Variants in ANKRD31 observed in about 807,000 individuals in gnomAD.
ANKRD31 encodes the protein ankyrin repeat domain-containing protein 31.
A neutral mutation model predicts 186.0 loss-of-function variants in ANKRD31; 147 were observed. The ratio of observed to expected loss-of-function variants is 0.79; its 90% CI spans 0.69 to 0.91. The LOEUF (loss-of-function observed/expected upper bound fraction) is 0.91. Ranked by LOEUF, ANKRD31 falls within the 40% of genes least tolerant of loss-of-function variation. The pLI is 0.00. For missense variants in ANKRD31, 1,986 were observed against 2,148.8 expected, an observed-to-expected ratio of 0.92 and a Z score of 1.50; for synonymous variants, 673 against 736.4, an observed-to-expected ratio of 0.91 and a Z score of 1.39.
chr5:75,236,573 T>C lies in ANKRD31; in HGVS notation c.104+10A>G, dbSNP rs1004332635. The C allele has an allele frequency of 6.5e-7, 1 of 1,536,150 alleles. No individual in the cohort carries two copies. Among genetic ancestry groups the C allele is most frequent in the African/African-American group, 1.4e-5 (1 of 72,960 alleles). ...GAGGGTTCAGGCACTGTGGCCCTAA[T>C]GATGGTCACCTTCTCCAGGGCAGCT... is the stretch of plus-strand genomic sequence containing the variant. On this transcript the variant is annotated intron_variant, in intron 1 of 25. Coordinates refer to ENST00000506364, the MANE Select transcript of ANKRD31 (RefSeq NM_001372053.1).
rs530301594 is a variant in ANKRD31, at chr5:75,105,124, GT to G, written c.4434del (p.Lys1478AsnfsTer5). 3.9e-6 allele frequency: 6 copies of G among 1,536,634 alleles called. No homozygotes were observed. Among genetic ancestry groups the G allele is most frequent in the Non-Finnish European group, 5.2e-6 (6 of 1,146,722 alleles). On this transcript the variant is annotated frameshift_variant, in exon 22 of 26. Coordinates refer to ENST00000506364, the MANE Select transcript of ANKRD31 (RefSeq NM_001372053.1). LOFTEE classifies it high-confidence loss of function. ...RQKSLLVVAK[K>X]QKKISLKIQN... ...TGAATTTTCAGGCTTATTTTTTTCT[GT>G]TTTTTTGCCACAACTAAAAGGCTCT...
intron 6 of ANKRD31, among the ~76,000 whole-genome samples, chr5:75,198,890 A>T (rs1755637591): frequency 6.6e-6 from 1 of 152,116 alleles, no homozygotes. Context: ...TGGAACCCAG[A>T]CCTATCTGGT....
intron 10 of ANKRD31, 24 bp downstream of exon 10, chr5:75,188,469 C>T: frequency 6.6e-7 from 1 of 1,526,496 alleles, no homozygotes. Context: ...CTTAAGGTAA[C>T]TGTGGGTGGT....
At chr5:75,132,411 G>T (rs1421228939) in intron 17 of ANKRD31, among the ~76,000 whole-genome samples, 1 of 152,164 alleles carries the variant, frequency 6.6e-6, no homozygotes, top group Admixed American at 6.5e-5. Context: ...TGGAAAAAGG[G>T]TATCAGTGAT....
At position 75,215,266 on chromosome 5, in the gene ANKRD31, G is replaced by A. The variant is rs564243020; in HGVS notation, c.289-4401C>T. Among the ~76,000 whole-genome samples, 5 of 152,278 alleles carry A rather than the reference G, an allele frequency of 3.3e-5. 1 individual carries two copies. In the South Asian group the frequency reaches 1.0e-3, roughly 32 times the overall value. Reference sequence around the variant, plus strand: ...ATGAGGCCTACCCACATGATGGAGGGCAGTCTGCTTTACTCAGGTCCACTG... The same window carrying A: ...ATGAGGCCTACCCACATGATGGAGGACAGTCTGCTTTACTCAGGTCCACTG... On this transcript the variant is annotated intron_variant, in intron 3 of 25. Transcript: ENST00000506364.
At chr5:75,207,210 A>C (rs1421359895) in intron 4 of ANKRD31, among the ~76,000 whole-genome samples, 1 of 152,160 alleles carries the variant, frequency 6.6e-6, no homozygotes, top group African/African-American at 2.4e-5. Flanking sequence ...CAAGAGTAAT[A>C]AATTAAGCAT....
At chr5:75,229,065 T>C (rs188470904) in intron 2 of ANKRD31, among the ~76,000 whole-genome samples, 15 of 152,164 alleles carry the variant, frequency 9.9e-5, no homozygotes, top group Non-Finnish European at 1.9e-4. Context: ...CAAAAAAAGA[T>C]TTTTTTAAAG....
At chr5:75,134,894 T>TG (rs1414878330) in intron 17 of ANKRD31, among the ~76,000 whole-genome samples, 1 of 152,098 alleles carries the variant, frequency 6.6e-6, no homozygotes, top group African/African-American at 2.4e-5. Flanking sequence ...ATCAATCATA[T>TG]GAACAGAACC....
intron 17 of ANKRD31, among the ~76,000 whole-genome samples, chr5:75,132,563 G>T (rs1749961052): frequency 6.6e-6 from 1 of 152,172 alleles, no homozygotes; most frequent in Non-Finnish European, 1.5e-5. Flanking sequence ...AAAGTGACGG[G>T]AGAATGGAAC....
intron 11 of ANKRD31, among the ~76,000 whole-genome samples, chr5:75,164,274 T>G (rs1359609134): frequency 6.6e-6 from 1 of 152,188 alleles, no homozygotes. Context: ...TACAACCTCA[T>G]GAGAGACCCT....
chr5:75,233,274 G>A (rs914321945), intron 1 of ANKRD31, among the ~76,000 whole-genome samples: 1 of 151,748 alleles, frequency 6.6e-6, no homozygotes, highest in African/African-American at 2.4e-5. Context: ...TGTTGGCCAG[G>A]CTGGTCTCGA....
rs74789702 is a variant in ANKRD31, at chr5:75,236,496, T to C, written c.104+87A>G. ...CCACAAGCACATGTTCTGGTCACGA[T>C]CTCCACTCAAAACTCTGACCCCCTC... On this transcript the variant is annotated intron_variant, in intron 1 of 25. Coordinates refer to ENST00000506364, the MANE Select transcript of ANKRD31 (RefSeq NM_001372053.1). 2.3e-3 allele frequency: 2,471 copies of C among 1,084,626 alleles called. 70 individuals carry two copies. The East Asian group carries it at 0.057, about 25-fold the overall frequency. 67.2% of individuals were successfully genotyped at this position (1,084,626 alleles called of 1,614,324 possible). A position where few individuals can be genotyped will look rare whatever the true frequency, so the allele number is the denominator to read the frequency against.
At chr5:75,082,551 T>C in intron 24 of ANKRD31, among the ~76,000 whole-genome samples, 1 of 152,214 alleles carries the variant, frequency 6.6e-6, no homozygotes, top group South Asian at 2.1e-4. Flanking sequence ...TGCTGCTCAC[T>C]GGTGAAGACT....
Position 75,147,373 on chromosome 5 carries a change from C to T in ANKRD31, c.2038G>A (p.Glu680Lys). 1 of 1,529,014 alleles carries T rather than the reference C, an allele frequency of 6.5e-7. No individual in the cohort carries two copies. The highest frequency in any genetic ancestry group is 8.7e-7 in the Non-Finnish European group (1 of 1,143,402). 94.7% of individuals were successfully genotyped at this position (1,529,014 alleles called of 1,614,324 possible). A position where few individuals can be genotyped will look rare whatever the true frequency, so the allele number is the denominator to read the frequency against. ...TTTTTGGGATCTTTTTGGTAATATT[C>T]ATATACATCTTCTTTATTTATAAAT... ...SLFINKEDVY[E>K]YYQKDPKNTK... is the part of the protein sequence containing the mutation. The change falls in exon 14 of 26, where the codon GAA (glutamate) becomes AAA (lysine). Residue 680 changes from glutamate (E) to lysine (K), a missense_variant. Transcript: ENST00000506364.
In ANKRD31 at chr5:75,146,912, T is replaced by C. The variant is rs957448379; in HGVS notation, c.2499A>G (p.Glu833=). The change falls in exon 14 of 26, where the codon GAA becomes GAG. Residue 833 remains glutamate, a synonymous_variant. Coordinates refer to ENST00000506364, the MANE Select transcript of ANKRD31 (RefSeq NM_001372053.1). ...CLELESVDQT[E]AVSFPGLLLH... ...ATAAAAGCCCTGGGAAAGAAACAGC[T>C]TCAGTTTGGTCAACAGATTCTAATT... The C allele has an allele frequency of 1.3e-6, 2 of 1,536,406 alleles. No individual in the cohort carries two copies. Among genetic ancestry groups the C allele is most frequent in the Admixed American group, 3.9e-5 (2 of 50,932 alleles).
intron 3 of ANKRD31, among the ~76,000 whole-genome samples, chr5:75,214,474 C>T (rs1756842807): frequency 6.6e-6 from 1 of 152,176 alleles, no homozygotes; most frequent in Non-Finnish European, 1.5e-5. Context: ...TTGAGTAGCC[C>T]AGCAATTTAT....
intron 22 of ANKRD31, among the ~76,000 whole-genome samples, chr5:75,094,972 C>T (rs1746202069): frequency 6.6e-6 from 1 of 151,986 alleles, no homozygotes. Context: ...AGGCTTGATG[C>T]ATCAGGAAGA....
intron 10 of ANKRD31, among the ~76,000 whole-genome samples, chr5:75,170,788 CAT>C (rs1487382732): frequency 6.6e-6 from 1 of 151,934 alleles, no homozygotes; most frequent in Non-Finnish European, 1.5e-5. Flanking sequence ...GATAGAAAAA[CAT>C]ATCGTAAATA....
chr5:75,175,864 T>C (rs144110871), intron 10 of ANKRD31, among the ~76,000 whole-genome samples: 452 of 152,152 alleles, frequency 3.0e-3, no homozygotes, highest in Non-Finnish European at 3.8e-3. Flanking sequence ...TTCATCTCAC[T>C]GTGGAGTGCC....
Sources: allele counts gnomAD v4.1 joint callset (sites outside exome capture counted in the v4.1 genomes callset), GRCh38; gene constraint gnomAD v4.1.1; transcripts MANE v1.5; gene names NCBI Gene and HGNC (gene_info 2026-07-23, HGNC 2026-07-21).